PDE4D: variants seen among roughly 807,000 people sequenced by gnomAD.
PDE4D encodes 3',5'-cyclic-AMP phosphodiesterase 4D.
Under a neutral mutation model 87.4 loss-of-function variants are expected in PDE4D, and 24 were observed. That is an observed-to-expected ratio of 0.27 (90% CI 0.20 to 0.39). PDE4D has a LOEUF of 0.39. Ranked by LOEUF, PDE4D falls within the 10% of genes least tolerant of loss-of-function variation. PDE4D has a pLI of 1.00. For synonymous variants in PDE4D, 384 were observed against 383.2 expected, an observed-to-expected ratio of 1.00 and a Z score of -0.02; for missense variants, 714 against 1,041.0, an observed-to-expected ratio of 0.69 and a Z score of 4.32.
intron 1 of PDE4D, among the ~76,000 whole-genome samples, chr5:60,260,136 A>G (rs1293312128): frequency 6.6e-6 from 1 of 151,824 alleles, no homozygotes; most frequent in Non-Finnish European, 1.5e-5. Context: ...ACCACCACCT[A>G]TTTTTAAATG....
intron 1 of PDE4D, among the ~76,000 whole-genome samples, chr5:59,227,579 G>A (rs1754085611): frequency 6.6e-6 from 1 of 152,092 alleles, no homozygotes; most frequent in Non-Finnish European, 1.5e-5. Context: ...CCATTAAAAA[G>A]TGGGCAAAGG....
At chr5:59,980,589 C>T (rs956211388) in intron 3 of PDE4D, among the ~76,000 whole-genome samples, 2 of 152,156 alleles carry the variant, frequency 1.3e-5, no homozygotes, top group African/African-American at 2.4e-5. Context: ...AAAGGTAAAC[C>T]TTCCCCTGGT....
chr5:60,468,871 A>C (rs995034560), intron 1 of PDE4D, among the ~76,000 whole-genome samples: 3 of 151,754 alleles, frequency 2.0e-5, no homozygotes, highest in African/African-American at 7.3e-5. Flanking sequence ...TCTTCCTGAG[A>C]CCAATCCCTC....
At chr5:59,777,683 A>T (rs1041550921) in intron 1 of PDE4D, among the ~76,000 whole-genome samples, 1 of 152,230 alleles carries the variant, frequency 6.6e-6, no homozygotes, top group African/African-American at 2.4e-5. Flanking sequence ...AAAGAAGGCA[A>T]TTAACTTGGA....
chr5:59,329,778 A>G (rs1776373727), intron 1 of PDE4D, among the ~76,000 whole-genome samples: 1 of 152,212 alleles, frequency 6.6e-6, no homozygotes, highest in African/African-American at 2.4e-5. Flanking sequence ...TAGGTATTCA[A>G]AAATATTTAT....
intron 5 of PDE4D, among the ~76,000 whole-genome samples, chr5:59,043,627 A>T (rs537511158): frequency 6.8e-4 from 103 of 152,266 alleles, no homozygotes; most frequent in African/African-American, 2.4e-3. Context: ...TCATATGTAT[A>T]CATGTGCCAT....
At chr5:59,463,611 T>C (rs1029374502) in intron 1 of PDE4D, among the ~76,000 whole-genome samples, 1 of 152,188 alleles carries the variant, frequency 6.6e-6, no homozygotes, top group Non-Finnish European at 1.5e-5. Flanking sequence ...ATCATTCTAT[T>C]GTTTGAATTT....
At chr5:59,443,470 T>C (rs1797930741) in intron 1 of PDE4D, among the ~76,000 whole-genome samples, 1 of 152,212 alleles carries the variant, frequency 6.6e-6, no homozygotes, top group Admixed American at 6.5e-5. Flanking sequence ...GCATGTTCCA[T>C]TTAGAAATAA....
chr5:59,443,126 A>G (rs916265690), intron 1 of PDE4D, among the ~76,000 whole-genome samples: 1 of 152,250 alleles, frequency 6.6e-6, no homozygotes, highest in Non-Finnish European at 1.5e-5. Context: ...AATGTGAGAT[A>G]GTACCTACTG....
chr5:60,178,103 GT>G (rs1784085896), intron 2 of PDE4D, among the ~76,000 whole-genome samples: 1 of 152,092 alleles, frequency 6.6e-6, no homozygotes, highest in Admixed American at 6.6e-5. Flanking sequence ...TCATCAGATT[GT>G]TAAAAGATCT....
chr5:59,752,240 C>A (rs1760587977), intron 1 of PDE4D, among the ~76,000 whole-genome samples: 1 of 152,190 alleles, frequency 6.6e-6, no homozygotes, highest in Admixed American at 6.5e-5. Flanking sequence ...AGGCTCAGAT[C>A]ACCTTCAGTG....
chr5:59,026,767 C>A (rs1467333881), intron 6 of PDE4D, among the ~76,000 whole-genome samples: 1 of 152,054 alleles, frequency 6.6e-6, no homozygotes, highest in African/African-American at 2.4e-5. Flanking sequence ...TCCAGATAGG[C>A]CTTAAAAGAT....
chr5:60,429,603 T>G (rs568779707), intron 1 of PDE4D, among the ~76,000 whole-genome samples: 1 of 152,298 alleles, frequency 6.6e-6, no homozygotes, highest in South Asian at 2.1e-4. Context: ...GCTGTGGGTT[T>G]TGTTGTGGAT....
At position 58,971,075 on chromosome 5, in the gene PDE4D, G is replaced by T. The variant is rs1359337865; in HGVS notation, c.*3589C>A. The T allele has an allele frequency of 6.6e-6, 1 of 152,104 alleles. No individual in the cohort carries two copies. The highest frequency in any genetic ancestry group is 1.5e-5 in the Non-Finnish European group (1 of 68,014). 9.4% of individuals were successfully genotyped at this position (152,104 alleles called of 1,614,324 possible). A position where few individuals can be genotyped will look rare whatever the true frequency, so the allele number is the denominator to read the frequency against. The stretch of plus-strand genomic sequence containing the variant: ...TCTTTCAGAGGTTGTCTGTGGTTTT[G>T]TAAAATCCACCTATTGGCAGAATTC... On this transcript the variant is annotated 3_prime_UTR_variant, in exon 15 of 15. Coordinates refer to ENST00000340635, the MANE Select transcript of PDE4D (RefSeq NM_001104631.2).
intron 1 of PDE4D, among the ~76,000 whole-genome samples, chr5:60,471,951 C>G (rs1053212150): frequency 1.3e-5 from 2 of 151,904 alleles, no homozygotes; most frequent in African/African-American, 4.8e-5. Context: ...CCCCATGTAG[C>G]GAGCCCGGGG....
chr5:59,239,550 T>C (rs563597946), intron 1 of PDE4D, among the ~76,000 whole-genome samples: 175 of 152,306 alleles, frequency 1.1e-3, no homozygotes, highest in African/African-American at 4.1e-3. Flanking sequence ...TTCATATCCA[T>C]TGTCTCATTT....
rs150716698 is a variant in PDE4D at position 60,085,885 on chromosome 5, G to T, written c.43-97168C>A. On this transcript the variant is annotated intron_variant, in intron 2 of 16. Coordinates refer to the PDE4D transcript ENST00000502484. ...TTATGTAAAGAGGGGATTTGTAAATGATGCAATTATCAGAGACTAAGGCAC... is the reference window on the plus strand; with the variant it reads ...TTATGTAAAGAGGGGATTTGTAAATTATGCAATTATCAGAGACTAAGGCAC... 3.3e-4 allele frequency among the ~76,000 whole-genome samples: 50 copies of T among 152,290 alleles called. No homozygotes were observed. In the East Asian group the frequency reaches 9.1e-3, roughly 28 times the overall value.
chr5:59,170,020 T>G (rs971357418), intron 5 of PDE4D, among the ~76,000 whole-genome samples: 1 of 152,096 alleles, frequency 6.6e-6, no homozygotes, highest in African/African-American at 2.4e-5. Flanking sequence ...ACTGAGATCT[T>G]TTATTCATGT....
At chr5:59,200,032 TGC>T (rs763451267) in intron 2 of PDE4D, among the ~76,000 whole-genome samples, 6 of 101,200 alleles carry the variant, frequency 5.9e-5, no homozygotes, top group South Asian at 3.0e-4. Flanking sequence ...TATACATACA[TGC>T]ACACACACGT....
Sources: gnomAD v4.1 joint callset for allele counts (sites outside exome capture counted in the v4.1 genomes callset) on GRCh38, gnomAD v4.1.1 for gene constraint, MANE v1.5 for transcripts, NCBI Gene and HGNC (gene_info 2026-07-23, HGNC 2026-07-21) for gene names.